The following CPE variants were observed in gnomAD, a reference collection of about 807,000 sequenced individuals.
CPE encodes the protein carboxypeptidase E, also known as carbocypeptidase E.
Under a neutral mutation model 53.5 loss-of-function variants are expected in CPE, and 17 were observed. The observed-to-expected ratio is 0.32, with a 90% CI of 0.22 to 0.48. The LOEUF (loss-of-function observed/expected upper bound fraction) is 0.48. CPE is among the 20% of genes least tolerant of loss of function. The pLI is 0.99. For synonymous variants in CPE, 226 were observed against 228.8 expected, an observed-to-expected ratio of 0.99 and a Z score of 0.11; for missense variants, 524 against 614.7, an observed-to-expected ratio of 0.85 and a Z score of 1.56.
At chr4:165,496,545 G>A (rs986618394) in intron 8 of CPE, among the ~76,000 whole-genome samples, 1 of 151,182 alleles carries the variant, frequency 6.6e-6, no homozygotes, top group African/African-American at 2.5e-5. Context: ...GATATAGTCA[G>A]TGTAATCACG....
At chr4:165,432,044 A>G (rs1731417601) in intron 1 of CPE, among the ~76,000 whole-genome samples, 1 of 152,112 alleles carries the variant, frequency 6.6e-6, no homozygotes, top group Non-Finnish European at 1.5e-5. Flanking sequence ...GACAAGCAAT[A>G]TTAAGACTAT....
chr4:165,421,253 C>G (rs924091487), intron 1 of CPE, among the ~76,000 whole-genome samples: 1 of 152,130 alleles, frequency 6.6e-6, no homozygotes, highest in Non-Finnish European at 1.5e-5. Context: ...CGTTGCTGTG[C>G]TCTATAGGTT....
chr4:165,483,765 CTTTT>C (rs1309664638), intron 4 of CPE, among the ~76,000 whole-genome samples: 1 of 152,088 alleles, frequency 6.6e-6, no homozygotes, highest in Non-Finnish European at 1.5e-5. Context: ...TGTATGTCTT[CTTTT>C]GAGAAAAGTC....
chr4:165,396,147 G>C lies in CPE; in HGVS notation c.307+16619G>C, dbSNP rs180846701. On this transcript the variant is annotated intron_variant, in intron 1 of 8. Coordinates refer to ENST00000402744, the MANE Select transcript of CPE (RefSeq NM_001873.4). ...TTTTAGATAACCAGATTTGCTCTTCGCACAATGAGGTCTTTGGTCCCTGGG... is the reference window on the plus strand; with the variant it reads ...TTTTAGATAACCAGATTTGCTCTTCCCACAATGAGGTCTTTGGTCCCTGGG... Among the ~76,000 whole-genome samples the C allele has an allele frequency of 1.2e-4, 19 of 152,068 alleles. No individual in the cohort carries two copies. The East Asian group carries it at 3.3e-3, about 26-fold the overall frequency.
In CPE at chr4:165,447,564, C is replaced by G. The variant is rs537542934; in HGVS notation, c.308-16826C>G. Among the ~76,000 whole-genome samples the G allele has an allele frequency of 3.0e-4, 42 of 139,300 alleles. No homozygotes were observed. In the South Asian group the frequency reaches 9.0e-3, roughly 30 times the overall value. The allele number at this position is 139,300 out of a possible 152,430, so 91.4% of individuals were successfully genotyped here. A position where few individuals can be genotyped will look rare whatever the true frequency, so the allele number is the denominator to read the frequency against. On this transcript the variant is annotated intron_variant, in intron 1 of 8. Coordinates refer to ENST00000402744, the MANE Select transcript of CPE (RefSeq NM_001873.4). ...CCAGCCTGGGCGACAGAGGGAGACT[C>G]TGTCTTTAAAAAAAAAAAAAGAAAA...
Position 165,464,488 on chromosome 4 carries a change from C to G in CPE, c.406C>G (p.Gln136Glu). The G allele has an allele frequency of 3.7e-6, 6 of 1,613,968 alleles. No homozygotes were observed. Among genetic ancestry groups the G allele is most frequent in the Non-Finnish European group, 5.1e-6 (6 of 1,179,938 alleles). ...FLAQYLCNEY[Q>E]KGNETIVNLI... ...GGCCCAGTACCTATGCAACGAATAC[C>G]AGAAGGGGAACGAGACAATTGTCAA... Residue 136 changes from glutamine to glutamate, a missense_variant, in exon 2 of 9, where the codon CAG becomes GAG. Coordinates refer to ENST00000402744, the MANE Select transcript of CPE (RefSeq NM_001873.4).
At chr4:165,434,850 G>A (rs1370690) in intron 1 of CPE, among the ~76,000 whole-genome samples, 89,138 of 151,874 alleles carry the variant, frequency 0.59, 26,582 homozygotes, top group East Asian at 0.75. Context: ...AATGGGAGGT[G>A]TTTATGTCAT....
intron 1 of CPE, among the ~76,000 whole-genome samples, chr4:165,459,570 C>A (rs1303407076): frequency 6.6e-6 from 1 of 151,270 alleles, no homozygotes; most frequent in East Asian, 1.9e-4. Context: ...TATGATGATT[C>A]CTCAATTGCA....
chr4:165,473,437 G>T (rs139236613), intron 3 of CPE, among the ~76,000 whole-genome samples: 75 of 152,312 alleles, frequency 4.9e-4, no homozygotes, highest in Admixed American at 2.7e-3. Context: ...TTGTGAAGGG[G>T]GAGCAGAGAA....
rs200627529 is a variant in CPE, at chr4:165,449,824, A to AT, written c.308-14558dup. ...GCAGTTAGAAAATTATTTTAAATAG[A>AT]TTTTTTTTGATACACTTGATGATTT... On this transcript the variant is annotated intron_variant, in intron 1 of 8. Transcript: ENST00000402744. Among the ~76,000 whole-genome samples, 1,174 of 151,730 alleles carry AT rather than the reference A, an allele frequency of 7.7e-3. 6 individuals carry two copies. Among genetic ancestry groups the AT allele is most frequent in the Non-Finnish European group, 0.012 (821 of 67,886 alleles).
chr4:165,473,899 G>A lies in CPE; in HGVS notation c.672+6044G>A, dbSNP rs1732249842. Among the ~76,000 whole-genome samples, 4 of 152,372 alleles carry A rather than the reference G, an allele frequency of 2.6e-5. No individual in the cohort carries two copies. The South Asian group carries it at 6.2e-4, about 24-fold the overall frequency. On this transcript the variant is annotated intron_variant, in intron 3 of 8. Transcript: ENST00000402744. ...TGACTTGGAAGCCAGCCAGAGCAGA[G>A]AGCCCCTTCAGCTCAAGGCCATTAG...
At chr4:165,434,906 T>C (rs1241792630) in intron 1 of CPE, among the ~76,000 whole-genome samples, 1 of 152,058 alleles carries the variant, frequency 6.6e-6, no homozygotes, top group Non-Finnish European at 1.5e-5. Context: ...CTTACTGTAA[T>C]GAGTGAGTTT....
At chr4:165,467,369 T>C in intron 2 of CPE, among the ~76,000 whole-genome samples, 1 of 152,158 alleles carries the variant, frequency 6.6e-6, no homozygotes, top group East Asian at 1.9e-4. Context: ...CATATCGGCC[T>C]AGGCCTACAC....
intron 1 of CPE, among the ~76,000 whole-genome samples, chr4:165,453,308 T>TTTCCTTCCTTCCTTCCTTCCTTCTTTCC (rs1731845238): frequency 1.3e-5 from 2 of 151,454 alleles, no homozygotes; most frequent in Admixed American, 6.6e-5. Context: ...TTTCTTTCTT[T>TTTCCTTCCTTCCTTCCTTCCTTCTTTCC]TTCCTTCCTT....
intron 1 of CPE, among the ~76,000 whole-genome samples, chr4:165,393,848 A>C (rs1730722017): frequency 6.6e-6 from 1 of 152,186 alleles, no homozygotes; most frequent in African/African-American, 2.4e-5. Flanking sequence ...GGTGGCAAAA[A>C]ACCAGGAAAG....
At chr4:165,387,075 T>A (rs1371682515) in intron 1 of CPE, among the ~76,000 whole-genome samples, 1 of 152,212 alleles carries the variant, frequency 6.6e-6, no homozygotes, top group East Asian at 1.9e-4. Context: ...TCTCTTTCTT[T>A]GAACATTCAG....
chr4:165,467,198 G>A, intron 2 of CPE, among the ~76,000 whole-genome samples: 1 of 151,990 alleles, frequency 6.6e-6, no homozygotes, highest in East Asian at 1.9e-4. Context: ...TTGTGCACAT[G>A]TGTAGTCCCA....
chr4:165,413,048 C>A (rs1255195421), intron 1 of CPE, among the ~76,000 whole-genome samples: 1 of 152,214 alleles, frequency 6.6e-6, no homozygotes, highest in Admixed American at 6.5e-5. Flanking sequence ...CACACTTGCA[C>A]TCTCTGAGCC....
intron 1 of CPE, among the ~76,000 whole-genome samples, chr4:165,444,222 C>T (rs1226012606): frequency 6.6e-6 from 1 of 152,132 alleles, no homozygotes; most frequent in Non-Finnish European, 1.5e-5. Context: ...ATGGAGTAAC[C>T]TTGCCCAAAG....
Sources: allele counts gnomAD v4.1 joint callset (sites outside exome capture counted in the v4.1 genomes callset), GRCh38; gene constraint gnomAD v4.1.1; transcripts MANE v1.5; gene names NCBI Gene and HGNC (gene_info 2026-07-23, HGNC 2026-07-21).